SCYL2: variants seen among roughly 807,000 people sequenced by gnomAD.
SCYL2 encodes SCY1-like protein 2.
Under a neutral mutation model 100.4 loss-of-function variants are expected in SCYL2, and 36 were observed. The observed-to-expected ratio is 0.36, with a 90% CI of 0.27 to 0.47. The LOEUF (loss-of-function observed/expected upper bound fraction) is 0.47, where lower values mean the gene tolerates loss of function less well. Ranked by LOEUF, SCYL2 falls within the 20% of genes least tolerant of loss-of-function variation. The probability of loss-of-function intolerance (pLI) is 1.00; values close to 1 mark genes in which losing one functional copy is unlikely to be tolerated. For synonymous variants in SCYL2, 330 were observed against 359.2 expected (o/e 0.92, Z 0.92); for missense variants, 902 against 1,083.9 (o/e 0.83, Z 2.36).
intron 12 of SCYL2, among the ~76,000 whole-genome samples, chr12:100,327,400 T>A (rs1952143634): frequency 1.3e-5 from 2 of 152,318 alleles, no homozygotes; most frequent in South Asian, 2.1e-4. Flanking sequence ...TAGTTAAAGT[T>A]ATAGAAGTCC....
At chr12:100,324,557 G>A (rs1381587145) in intron 11 of SCYL2, among the ~76,000 whole-genome samples, 2 of 152,100 alleles carry the variant, frequency 1.3e-5, no homozygotes, top group African/African-American at 4.8e-5. Context: ...TTATCTTATA[G>A]CCATTGAATC....
chr12:100,286,814 A>T (rs2096304969), intron 2 of SCYL2, among the ~76,000 whole-genome samples: 1 of 151,824 alleles, frequency 6.6e-6, no homozygotes, highest in South Asian at 2.1e-4. Flanking sequence ...AATAATTAAT[A>T]GTTTTAAAAT....
At chr12:100,275,871 G>T (rs1233992802) in intron 1 of SCYL2, among the ~76,000 whole-genome samples, 1 of 152,138 alleles carries the variant, frequency 6.6e-6, no homozygotes, top group East Asian at 1.9e-4. Flanking sequence ...AGTTTCCTAA[G>T]AGTTTTTATT....
At chr12:100,328,277 T>TAA (rs35452685) in intron 12 of SCYL2, among the ~76,000 whole-genome samples, 3 of 151,202 alleles carry the variant, frequency 2.0e-5, no homozygotes, top group Admixed American at 6.6e-5. Flanking sequence ...GACCCTGTCT[T>TAA]AAAAAAAAAG....
chr12:100,304,322 G>T (rs1431867634), intron 4 of SCYL2, among the ~76,000 whole-genome samples: 1 of 152,004 alleles, frequency 6.6e-6, no homozygotes, highest in East Asian at 1.9e-4. Flanking sequence ...AAAAACTGCA[G>T]CCAGCTCGGT....
chr12:100,323,344 A>G (rs2096358280), intron 10 of SCYL2, among the ~76,000 whole-genome samples, 181 bp from the exon 11 acceptor site: 1 of 152,170 alleles, frequency 6.6e-6, no homozygotes, highest in South Asian at 2.1e-4. Context: ...TCTCATCTGT[A>G]AGACTGAAAA....
intron 5 of SCYL2, among the ~76,000 whole-genome samples, chr12:100,311,630 G>C (rs1392548133): frequency 6.6e-6 from 1 of 152,094 alleles, no homozygotes; most frequent in East Asian, 1.9e-4. Flanking sequence ...TGGGGTATAG[G>C]AATAATACAG....
chr12:100,273,934 A>G (rs921305719), intron 1 of SCYL2, among the ~76,000 whole-genome samples: 19 of 152,202 alleles, frequency 1.2e-4, no homozygotes, highest in African/African-American at 4.3e-4. Context: ...CGTTAGAGGA[A>G]TAGATATGTA....
chr12:100,335,958 C>T (rs779099487), intron 16 of SCYL2, 52 bp downstream of exon 16: 1 of 1,303,380 alleles, frequency 7.7e-7, no homozygotes, highest in Non-Finnish European at 1.1e-6. Flanking sequence ...TGTAGGACTT[C>T]CTGTAAACCA....
chr12:100,280,219 G>A (rs1283669488), intron 1 of SCYL2, among the ~76,000 whole-genome samples: 2 of 152,132 alleles, frequency 1.3e-5, no homozygotes, highest in Non-Finnish European at 2.9e-5. Flanking sequence ...TCCCTCATGG[G>A]CAGAAGTTAT....
chr12:100,320,759 C>T (rs1261789970), intron 10 of SCYL2, among the ~76,000 whole-genome samples: 1 of 151,994 alleles, frequency 6.6e-6, no homozygotes, highest in African/African-American at 2.4e-5. Context: ...TTAGGGGGTC[C>T]TTTCCTGTAA....
At chr12:100,271,260 CAA>C (rs11354103) in intron 1 of SCYL2, among the ~76,000 whole-genome samples, 1,079 of 83,334 alleles carry the variant, frequency 0.013, 5 homozygotes, top group East Asian at 0.037. Context: ...TGCAGAGCAG[CAA>C]AAAAAAAAAA....
chr12:100,318,329 CTTTTT>C (rs1052095844), intron 10 of SCYL2, among the ~76,000 whole-genome samples: 4 of 130,972 alleles, frequency 3.1e-5, no homozygotes, highest in South Asian at 4.7e-4. Flanking sequence ...TCTTTTCTTT[CTTTTT>C]TTTTTTTTTT....
At chr12:100,273,716 C>T (rs777704544) in intron 1 of SCYL2, among the ~76,000 whole-genome samples, 2 of 152,162 alleles carry the variant, frequency 1.3e-5, no homozygotes, top group African/African-American at 4.8e-5. Context: ...GTATTATAAT[C>T]CCTTCTGGAA....
At chr12:100,317,561 TATGTG>T (rs1427644449) in intron 9 of SCYL2, 26 of 834,044 alleles carry the variant, frequency 3.1e-5, no homozygotes, top group Non-Finnish European at 4.2e-5. Context: ...TTACTGTAGA[TATGTG>T]AGAGGAGATT....
At chr12:100,277,392 C>A (rs748463073) in intron 1 of SCYL2, among the ~76,000 whole-genome samples, 1 of 152,146 alleles carries the variant, frequency 6.6e-6, no homozygotes, top group Non-Finnish European at 1.5e-5. Flanking sequence ...TTGTCTATTT[C>A]TTCTGTCAGT....
intron 10 of SCYL2, among the ~76,000 whole-genome samples, chr12:100,318,165 A>T (rs10778049): frequency 0.18 from 27,423 of 152,096 alleles, 2,701 homozygotes; most frequent in Non-Finnish European, 0.21. Flanking sequence ...TACCTGCATT[A>T]TGAGGTAGAT....
intron 3 of SCYL2, among the ~76,000 whole-genome samples, chr12:100,293,916 C>G (rs1302565651): frequency 6.6e-6 from 1 of 152,032 alleles, no homozygotes; most frequent in Non-Finnish European, 1.5e-5. Flanking sequence ...GAAAAGTCTC[C>G]CATGTCTACT....
intron 3 of SCYL2, among the ~76,000 whole-genome samples, chr12:100,296,188 TGTTAG>T (rs1191308504): frequency 6.6e-6 from 1 of 152,190 alleles, no homozygotes; most frequent in Non-Finnish European, 1.5e-5. Context: ...ATGTCCTAAT[TGTTAG>T]GTTGTAAAAA....
Sources: allele counts gnomAD v4.1 joint callset (sites outside exome capture counted in the v4.1 genomes callset), GRCh38; gene constraint gnomAD v4.1.1; transcripts MANE v1.5; gene names NCBI Gene and HGNC (gene_info 2026-07-23, HGNC 2026-07-21).